The following XRRA1 variants were observed in gnomAD, a reference collection of about 807,000 sequenced individuals.
XRRA1 encodes the protein X-ray radiation resistance associated 1.
XRRA1 carries 69 observed loss-of-function variants against 80.2 expected under a neutral mutation model. The observed-to-expected ratio is 0.86, with a 90% CI of 0.71 to 1.05. The LOEUF is 1.05. Among genes scored for constraint, XRRA1 ranks in the 50% least tolerant of loss-of-function variants. The pLI, the probability that XRRA1 is intolerant of heterozygous loss-of-function variation, is 0.00. For missense variants in XRRA1, 967 were observed against 976.4 expected (o/e 0.99, Z 0.13); for synonymous variants, 348 against 389.9 (o/e 0.89, Z 1.27).
intron 9 of XRRA1, 172 bp downstream of exon 9, chr11:74,906,973 T>C (rs985191087): frequency 1.2e-5 from 10 of 809,174 alleles, no homozygotes; most frequent in African/African-American, 5.2e-5. Flanking sequence ...GCCATTTTTA[T>C]GGAGGAGCCA....
chr11:74,927,344 T>C (rs780296641), intron 7 of XRRA1, 47 bp downstream of exon 7: 3 of 1,061,314 alleles, frequency 2.8e-6, no homozygotes, highest in Admixed American at 3.7e-5. Context: ...GCTCATTCCT[T>C]ACAGGGGAAC....
intron 12 of XRRA1, among the ~76,000 whole-genome samples, chr11:74,853,341 C>T (rs187536618): frequency 3.9e-5 from 6 of 152,326 alleles, no homozygotes; most frequent in Non-Finnish European, 2.9e-5. Context: ...AACCATTTCT[C>T]TACCTCTAGC....
At chr11:74,848,611 A>G in intron 14 of XRRA1, 149 bp from the exon 15 acceptor site, 2 of 680,128 alleles carry the variant, frequency 2.9e-6, no homozygotes. Context: ...CTTGTTGGGC[A>G]TCTATGATGT....
In XRRA1 at chr11:74,858,273, G is replaced by A. The variant is rs571714147; in HGVS notation, c.1170+885C>T. Among the ~76,000 whole-genome samples the A allele has an allele frequency of 1.7e-4, 26 of 152,272 alleles. No individual in the cohort carries two copies. The East Asian group carries it at 1.9e-3, about 11-fold the overall frequency. On this transcript the variant is annotated intron_variant, in intron 12 of 18. Transcript: ENST00000684022. ...ATACATCTATGGTCCACTGATTTTC[G>A]GCAAGGGTGTAACAGTGGGGGAAAG...
At chr11:74,944,225 A>G (rs1440779109) in intron 2 of XRRA1, among the ~76,000 whole-genome samples, 2 of 152,182 alleles carry the variant, frequency 1.3e-5, no homozygotes. Flanking sequence ...AAGTCTGGAA[A>G]CACATCTAAT....
chr11:74,907,730 C>A, intron 8 of XRRA1, among the ~76,000 whole-genome samples: 1 of 152,100 alleles, frequency 6.6e-6, no homozygotes, highest in East Asian at 1.9e-4. Flanking sequence ...GCTTTGCCAC[C>A]TAGTAGGGTA....
intron 10 of XRRA1, among the ~76,000 whole-genome samples, chr11:74,884,439 C>G (rs1460033324): frequency 2.6e-5 from 4 of 152,114 alleles, no homozygotes; most frequent in Non-Finnish European, 4.4e-5. Flanking sequence ...CTTTTCATAC[C>G]CTATGCAAAT....
At position 74,878,216 on chromosome 11, in the gene XRRA1, A is replaced by G. The variant is rs1222604665; in HGVS notation, c.1004-15195T>C. On this transcript the variant is annotated intron_variant, in intron 10 of 18. Coordinates refer to ENST00000684022, the MANE Select transcript of XRRA1 (RefSeq NM_001378157.1). Reference sequence around the variant, plus strand: ...ATTTGCATTTCTCTGATGGCCAGTGATGATGAGCATTTTTTCATGTGTTTT... The same window carrying G: ...ATTTGCATTTCTCTGATGGCCAGTGGTGATGAGCATTTTTTCATGTGTTTT... Among the ~76,000 whole-genome samples, 92 of 151,840 alleles carry G rather than the reference A, an allele frequency of 6.1e-4. 1 individual carries two copies. Among genetic ancestry groups the G allele is most frequent in the Non-Finnish European group, 1.1e-3 (72 of 67,864 alleles).
chr11:74,937,824 C>G (rs1292281522), intron 3 of XRRA1, among the ~76,000 whole-genome samples: 2 of 152,190 alleles, frequency 1.3e-5, no homozygotes, highest in South Asian at 4.1e-4. Context: ...GTCTCCCTCT[C>G]TAGAGTGGAA....
At chr11:74,849,071 CTCT>C (rs1428240582) in intron 14 of XRRA1, among the ~76,000 whole-genome samples, 1 of 152,200 alleles carries the variant, frequency 6.6e-6, no homozygotes, top group African/African-American at 2.4e-5. Flanking sequence ...ACCATTCTCC[CTCT>C]CCTCCTCAGC....
At chr11:74,892,468 G>A (rs1282407792) in intron 10 of XRRA1, among the ~76,000 whole-genome samples, 1 of 152,090 alleles carries the variant, frequency 6.6e-6, no homozygotes, top group Non-Finnish European at 1.5e-5. Flanking sequence ...GAAAACCTAG[G>A]CATTACCATT....
chr11:74,928,318 A>T (rs917328341), intron 6 of XRRA1, among the ~76,000 whole-genome samples: 2 of 152,206 alleles, frequency 1.3e-5, no homozygotes, highest in South Asian at 4.1e-4. Context: ...AGAAACTATA[A>T]ATGAATGATA....
At chr11:74,931,434 C>T (rs1943532915) in intron 5 of XRRA1, among the ~76,000 whole-genome samples, 1 of 151,820 alleles carries the variant, frequency 6.6e-6, no homozygotes, top group South Asian at 2.1e-4. Context: ...AAGTGATTCT[C>T]CTGCCTCAGC....
At chr11:74,907,015 G>A in intron 9 of XRRA1, 130 bp downstream of exon 9, 1 of 1,282,830 alleles carries the variant, frequency 7.8e-7, no homozygotes, top group Non-Finnish European at 1.1e-6. Flanking sequence ...CTTACCCATG[G>A]CCACACAGTA....
At chr11:74,926,524 G>A (rs1942270355) in intron 7 of XRRA1, among the ~76,000 whole-genome samples, 1 of 152,266 alleles carries the variant, frequency 6.6e-6, no homozygotes. Context: ...CTCAGTGAGT[G>A]AGCGTGGTCA....
chr11:74,933,887 A>G lies in XRRA1; in HGVS notation c.280-15T>C, dbSNP rs1186342216. 2 of 1,597,212 alleles carry G rather than the reference A, an allele frequency of 1.3e-6. No individual in the cohort carries two copies. The highest frequency in any genetic ancestry group is 3.5e-5 in the Admixed American group (2 of 57,694). ...TGGTGCTTCAGCTGGAACATAATAC[A>G]AAGAGTTGTCTCTTAAGGCCCCTAC... On this transcript the variant is annotated splice_polypyrimidine_tract_variant and intron_variant, in intron 4 of 18. Coordinates refer to ENST00000684022, the MANE Select transcript of XRRA1 (RefSeq NM_001378157.1).
chr11:74,858,959 T>C (rs1435429873), intron 12 of XRRA1, among the ~76,000 whole-genome samples, 199 bp downstream of exon 12: 1 of 152,210 alleles, frequency 6.6e-6, no homozygotes, highest in African/African-American at 2.4e-5. Context: ...TGGTAAGTGC[T>C]AAATAAATAT....
intron 15 of XRRA1, among the ~76,000 whole-genome samples, chr11:74,847,512 T>C (rs2038595459): frequency 6.6e-6 from 1 of 152,224 alleles, no homozygotes; most frequent in Non-Finnish European, 1.5e-5. Flanking sequence ...CTGTTTCCTC[T>C]GTCCAGAATG....
At chr11:74,891,844 C>T (rs2050797035) in intron 10 of XRRA1, among the ~76,000 whole-genome samples, 1 of 152,158 alleles carries the variant, frequency 6.6e-6, no homozygotes, top group Non-Finnish European at 1.5e-5. Context: ...ATCCAACTTA[C>T]AAGCAATGTG....
Sources: gnomAD v4.1 joint callset for allele counts (sites outside exome capture counted in the v4.1 genomes callset) on GRCh38, gnomAD v4.1.1 for gene constraint, MANE v1.5 for transcripts, NCBI Gene and HGNC (gene_info 2026-07-23, HGNC 2026-07-21) for gene names.